The following MYLK4 variants were observed in gnomAD, a reference collection of about 807,000 sequenced individuals.
MYLK4 encodes the protein caMLCK like.
A neutral mutation model predicts 48.1 loss-of-function variants in MYLK4; 46 were observed. The ratio of observed to expected loss-of-function variants is 0.96; its 90% CI spans 0.75 to 1.22. The LOEUF is 1.22. Ranked by LOEUF, MYLK4 falls within the 50% of genes most tolerant of loss-of-function variation. The pLI, the probability that MYLK4 is intolerant of heterozygous loss-of-function variation, is 0.00. For synonymous variants in MYLK4, 170 were observed against 180.8 expected, an observed-to-expected ratio of 0.94 and a Z score of 0.48; for missense variants, 451 against 486.1, an observed-to-expected ratio of 0.93 and a Z score of 0.68.
At chr6:2,744,022 G>A (rs1223866633) in intron 2 of MYLK4, 7 of 398,962 alleles carry the variant, frequency 1.8e-5, no homozygotes, top group Non-Finnish European at 3.1e-5. Context: ...CTTTTCTTCT[G>A]AGTGTGAAGT....
the MYLK4 span, among the ~76,000 whole-genome samples, chr6:2,758,080 G>A: frequency 6.6e-6 from 1 of 152,134 alleles, no homozygotes; most frequent in Non-Finnish European, 1.5e-5. Flanking sequence ...ATGCATTAGA[G>A]AAACTTAATA....
the MYLK4 span, among the ~76,000 whole-genome samples, chr6:2,769,684 G>A: frequency 2.0e-5 from 3 of 152,070 alleles, no homozygotes; most frequent in African/African-American, 7.2e-5. Context: ...AGCATAATAG[G>A]AATAATAATA....
intron 3 of MYLK4, 57 bp from the exon 4 acceptor site, chr6:2,689,013 C>G: frequency 7.2e-7 from 1 of 1,395,930 alleles, no homozygotes; most frequent in Non-Finnish European, 1.0e-6. Context: ...CTCGTTAAGG[C>G]AGCAAGCCTG....
At chr6:2,709,251 G>A (rs1020700671) in intron 2 of MYLK4, among the ~76,000 whole-genome samples, 2 of 152,176 alleles carry the variant, frequency 1.3e-5, no homozygotes, top group African/African-American at 2.4e-5. Context: ...TTAACATCTG[G>A]TCATGCTGTA....
At chr6:2,761,785 G>A in the MYLK4 span, among the ~76,000 whole-genome samples, 2 of 152,148 alleles carry the variant, frequency 1.3e-5, no homozygotes, top group African/African-American at 4.8e-5. Context: ...ATCCATGTAT[G>A]TAGCTGTGGG....
intron 2 of MYLK4, among the ~76,000 whole-genome samples, chr6:2,723,487 C>A (rs1466691944): frequency 6.6e-6 from 1 of 152,240 alleles, no homozygotes; most frequent in Non-Finnish European, 1.5e-5. Flanking sequence ...ATGCAAAGAT[C>A]TCTCAAAAAA....
At position 2,749,274 on chromosome 6, in the gene MYLK4, C is replaced by T. The variant is rs1764202636; in HGVS notation, c.21G>A (p.Leu7=). 1.2e-6 allele frequency: 2 copies of T among 1,613,860 alleles called. No homozygotes were observed. Residue 7 remains leucine, a synonymous_variant, in exon 2 of 13, where the codon CTG becomes CTA. Coordinates refer to ENST00000274643, the MANE Select transcript of MYLK4 (RefSeq NM_001012418.5). Reference sequence around the variant, plus strand: ...TGTTATAACACGTGTTGAATTCTTCCAGCCTCTTCACTTTTAACATCTTAG... The same window carrying T: ...TGTTATAACACGTGTTGAATTCTTCTAGCCTCTTCACTTTTAACATCTTAG... MLKVKR[L]EEFNTCYNSN...
At position 2,686,108 on chromosome 6, in the gene MYLK4, A is replaced by G. The variant is rs539306956; in HGVS notation, c.342-532T>C. Among the ~76,000 whole-genome samples the G allele has an allele frequency of 7.1e-4, 107 of 151,688 alleles. 1 individual carries two copies. Among genetic ancestry groups the G allele is most frequent in the African/African-American group, 2.5e-3 (102 of 41,416 alleles). On this transcript the variant is annotated intron_variant, in intron 4 of 12. Transcript: ENST00000274643. ...GAAGAAAGAAAGAAAGAAAAAAAAA[A>G]AGAATCCAGGATTCTGGGCCCTACC...
the MYLK4 span, chr6:2,765,592 G>T: frequency 1.4e-6 from 2 of 1,469,468 alleles, no homozygotes; most frequent in Non-Finnish European, 1.8e-6. Flanking sequence ...TGCTGCGGCC[G>T]CGCCGGGCGC....
At position 2,680,415 on chromosome 6, in the gene MYLK4, G is replaced by A. The variant is rs115702798; in HGVS notation, c.688-124C>T. 8.5e-4 allele frequency: 1,312 copies of A among 1,546,680 alleles called. 7 individuals carry two copies. The African/African-American group carries it at 0.015, about 18-fold the overall frequency. On this transcript the variant is annotated intron_variant, in intron 7 of 12. Coordinates refer to ENST00000274643, the MANE Select transcript of MYLK4 (RefSeq NM_001012418.5). ...CATATCAGGCCTTTCACTTCGGGGC[G>A]GGCTTGTCCGTGTGGGTACTTTCTC...
intron 2 of MYLK4, among the ~76,000 whole-genome samples, chr6:2,738,500 C>T (rs1209424102): frequency 3.3e-5 from 5 of 152,240 alleles, no homozygotes; most frequent in Non-Finnish European, 5.9e-5. Flanking sequence ...GCCTGACATT[C>T]GTTCCAACAA....
intron 2 of MYLK4, among the ~76,000 whole-genome samples, chr6:2,745,543 C>T (rs1378154353): frequency 2.0e-5 from 3 of 152,066 alleles, no homozygotes; most frequent in Non-Finnish European, 2.9e-5. Context: ...TAAAATTTTA[C>T]ACAGTAGGTA....
intron 2 of MYLK4, among the ~76,000 whole-genome samples, chr6:2,705,336 A>G (rs1762444662): frequency 1.3e-5 from 2 of 152,182 alleles, no homozygotes; most frequent in South Asian, 4.1e-4. Flanking sequence ...TACAAAGGGA[A>G]GGGAGGGTGA....
At chr6:2,738,491 C>A (rs1763779053) in intron 2 of MYLK4, among the ~76,000 whole-genome samples, 2 of 152,174 alleles carry the variant, frequency 1.3e-5, no homozygotes, top group African/African-American at 4.8e-5. Flanking sequence ...CTGAGAGTGG[C>A]CTGACATTCG....
At chr6:2,692,955 T>C (rs1761871101) in intron 2 of MYLK4, 96 bp from the exon 3 acceptor site, 15 of 1,142,468 alleles carry the variant, frequency 1.3e-5, no homozygotes, top group South Asian at 2.8e-5. Flanking sequence ...TTCCGTGTGG[T>C]GGGGAATGTC....
chr6:2,766,058 G>C, the MYLK4 span: 1 of 1,293,644 alleles, frequency 7.7e-7, no homozygotes, highest in South Asian at 2.4e-5. Flanking sequence ...GCCGGCGGCC[G>C]CCGCCGCGGC....
chr6:2,713,872 C>T (rs1162997782), intron 2 of MYLK4, among the ~76,000 whole-genome samples: 2 of 152,156 alleles, frequency 1.3e-5, no homozygotes, highest in Non-Finnish European at 2.9e-5. Flanking sequence ...ACAAATAAAT[C>T]ATGGCCACTC....
At chr6:2,741,964 A>C (rs145274461) in intron 2 of MYLK4, among the ~76,000 whole-genome samples, 1,822 of 152,320 alleles carry the variant, frequency 0.012, 17 homozygotes, top group Non-Finnish European at 0.02. Flanking sequence ...CTCCCACAGG[A>C]GATACGATAA....
At chr6:2,714,104 T>A (rs1762780549) in intron 2 of MYLK4, among the ~76,000 whole-genome samples, 1 of 152,136 alleles carries the variant, frequency 6.6e-6, no homozygotes, top group Non-Finnish European at 1.5e-5. Flanking sequence ...CTCAAGAGAC[T>A]GAACATGGAA....
Sources: gnomAD v4.1 joint callset for allele counts (sites outside exome capture counted in the v4.1 genomes callset) on GRCh38, gnomAD v4.1.1 for gene constraint, MANE v1.5 for transcripts, NCBI Gene and HGNC (gene_info 2026-07-23, HGNC 2026-07-21) for gene names.